Variants in ARHGAP15 observed in about 807,000 individuals in gnomAD.
The protein encoded by ARHGAP15 is rho GTPase-activating protein 15.
In ARHGAP15, 51 loss-of-function variants were observed where a neutral mutation model predicts 63.7. That is an observed-to-expected ratio of 0.80 (90% CI 0.64 to 1.01). ARHGAP15 has a LOEUF of 1.01. Among genes scored for constraint, ARHGAP15 ranks in the 50% least tolerant of loss-of-function variants. The pLI is 0.00. For missense variants in ARHGAP15, 560 were observed against 564.6 expected, an observed-to-expected ratio of 0.99 and a Z score of 0.08; for synonymous variants, 191 against 193.8, an observed-to-expected ratio of 0.99 and a Z score of 0.12.
At chr2:143,544,480 T>C (rs541692495) in intron 10 of ARHGAP15, among the ~76,000 whole-genome samples, 1 of 152,200 alleles carries the variant, frequency 6.6e-6, no homozygotes, top group African/African-American at 2.4e-5. Context: ...ACTACACACA[T>C]GTGTATATAT....
chr2:143,269,261 A>C (rs1168029531), intron 6 of ARHGAP15, among the ~76,000 whole-genome samples: 4 of 152,180 alleles, frequency 2.6e-5, no homozygotes, highest in African/African-American at 9.6e-5. Flanking sequence ...ATATAGATTT[A>C]GGGATTTTCA....
chr2:143,174,867 C>A (rs757803688), intron 2 of ARHGAP15, among the ~76,000 whole-genome samples: 1 of 151,854 alleles, frequency 6.6e-6, no homozygotes, highest in Non-Finnish European at 1.5e-5. Flanking sequence ...CAATGTATCC[C>A]GAAAAAATAT....
intron 8 of ARHGAP15, among the ~76,000 whole-genome samples, chr2:143,456,105 G>A (rs1443471755): frequency 1.3e-5 from 2 of 152,080 alleles, no homozygotes; most frequent in East Asian, 3.8e-4. Flanking sequence ...CTTAAATCCT[G>A]ACGCTGCCAG....
At chr2:143,707,516 A>C (rs1026460705) in intron 13 of ARHGAP15, among the ~76,000 whole-genome samples, 1 of 152,238 alleles carries the variant, frequency 6.6e-6, no homozygotes, top group Non-Finnish European at 1.5e-5. Flanking sequence ...GGTGTGTATT[A>C]ATCAAGGCCT....
At chr2:143,276,002 A>C (rs183437851) in intron 6 of ARHGAP15, among the ~76,000 whole-genome samples, 1 of 152,226 alleles carries the variant, frequency 6.6e-6, no homozygotes, top group Non-Finnish European at 1.5e-5. Context: ...AGACAAATCC[A>C]TAAACCCATC....
At chr2:143,170,972 A>G (rs1188785440) in intron 2 of ARHGAP15, among the ~76,000 whole-genome samples, 2 of 152,154 alleles carry the variant, frequency 1.3e-5, no homozygotes, top group East Asian at 3.9e-4. Context: ...AAGGTACTTT[A>G]AAAGGTTTAG....
intron 12 of ARHGAP15, among the ~76,000 whole-genome samples, chr2:143,654,307 A>G (rs776893593): frequency 6.6e-6 from 1 of 152,174 alleles, no homozygotes; most frequent in Non-Finnish European, 1.5e-5. Flanking sequence ...TTTGCTACCT[A>G]TATAAATTGG....
intron 12 of ARHGAP15, among the ~76,000 whole-genome samples, chr2:143,639,629 C>G (rs1002367254): frequency 6.6e-6 from 1 of 151,900 alleles, no homozygotes; most frequent in African/African-American, 2.4e-5. Context: ...TTATTACAAT[C>G]CCCGGCAAGT....
At chr2:143,472,384 C>T (rs76225637) in intron 8 of ARHGAP15, among the ~76,000 whole-genome samples, 10,975 of 152,088 alleles carry the variant, frequency 0.072, 598 homozygotes, top group East Asian at 0.22. Context: ...TTGCAATTAA[C>T]AAACATTCAT....
At chr2:143,322,989 T>C (rs1339325460) in intron 6 of ARHGAP15, among the ~76,000 whole-genome samples, 2 of 152,212 alleles carry the variant, frequency 1.3e-5, no homozygotes, top group African/African-American at 4.8e-5. Flanking sequence ...GGAAATAAAG[T>C]TTGGTGCTGA....
At chr2:143,334,537 G>A (rs146797788) in intron 6 of ARHGAP15, among the ~76,000 whole-genome samples, 2 of 152,252 alleles carry the variant, frequency 1.3e-5, no homozygotes, top group East Asian at 1.9e-4. Context: ...TGTGCCAATG[G>A]TGATAAGATG....
At chr2:143,524,457 CT>C in intron 10 of ARHGAP15, among the ~76,000 whole-genome samples, 1 of 152,266 alleles carries the variant, frequency 6.6e-6, no homozygotes, top group East Asian at 1.9e-4. Context: ...TTACAACCCA[CT>C]AAAAATGACT....
At chr2:143,758,093 TTAAGG>T (rs1686640305) in intron 13 of ARHGAP15, among the ~76,000 whole-genome samples, 1 of 152,004 alleles carries the variant, frequency 6.6e-6, no homozygotes, top group Non-Finnish European at 1.5e-5. Flanking sequence ...GTTAGATAAA[TTAAGG>T]TATTTCCATA....
At chr2:143,360,036 A>C (rs13008966) in intron 6 of ARHGAP15, among the ~76,000 whole-genome samples, 26,634 of 152,078 alleles carry the variant, frequency 0.18, 2,946 homozygotes, top group Non-Finnish European at 0.24. Flanking sequence ...GAGAAAAGAA[A>C]GTGAGAAAAT....
chr2:143,650,555 G>A (rs1681111155), intron 12 of ARHGAP15, among the ~76,000 whole-genome samples: 1 of 151,780 alleles, frequency 6.6e-6, no homozygotes. Context: ...CCATAGTATT[G>A]GGTACTGCAC....
chr2:143,661,965 A>T (rs1219298546), intron 12 of ARHGAP15, among the ~76,000 whole-genome samples: 1 of 152,216 alleles, frequency 6.6e-6, no homozygotes, highest in African/African-American at 2.4e-5. Context: ...TCTGAGACCA[A>T]ACTGCAAGGC....
At chr2:143,250,440 A>C (rs1421223124) in intron 5 of ARHGAP15, 71 bp from the exon 6 acceptor site, 6 of 1,204,170 alleles carry the variant, frequency 5.0e-6, no homozygotes, top group Non-Finnish European at 7.3e-6. Flanking sequence ...TAACTCAATA[A>C]ACTCCTATTT....
chr2:143,504,458 C>G (rs190982681), intron 9 of ARHGAP15, among the ~76,000 whole-genome samples: 12 of 152,280 alleles, frequency 7.9e-5, no homozygotes, highest in African/African-American at 2.9e-4. Context: ...AGAAGACACA[C>G]TAGAAGGCTA....
intron 13 of ARHGAP15, among the ~76,000 whole-genome samples, chr2:143,730,961 A>T (rs1685507289): frequency 7.6e-6 from 1 of 130,998 alleles, no homozygotes; most frequent in Non-Finnish European, 1.6e-5. Flanking sequence ...CAGTGTGCAC[A>T]GAATTTATTG....
Sources: allele counts gnomAD v4.1 joint callset (sites outside exome capture counted in the v4.1 genomes callset), GRCh38; gene constraint gnomAD v4.1.1; transcripts MANE v1.5; gene names NCBI Gene and HGNC (gene_info 2026-07-23, HGNC 2026-07-21).